The following RBFOX1 variants were observed in gnomAD, a reference collection of about 807,000 sequenced individuals.
RBFOX1 encodes the protein RNA binding protein fox-1 homolog 1.
In RBFOX1, 8 loss-of-function variants were observed where a neutral mutation model predicts 57.7. The ratio of observed to expected loss-of-function variants is 0.14; its 90% confidence interval spans 0.08 to 0.25. The LOEUF (loss-of-function observed/expected upper bound fraction) is 0.25. Among genes scored for constraint, RBFOX1 ranks in the 10% least tolerant of loss-of-function variants. The pLI is 1.00. For missense variants in RBFOX1, 611 were observed against 548.5 expected (o/e 1.11, Z -1.14); for synonymous variants, 326 against 222.4 (o/e 1.47, Z -4.15).
At chr16:7,089,131 T>A (rs2060428694) in intron 4 of RBFOX1, among the ~76,000 whole-genome samples, 1 of 152,224 alleles carries the variant, frequency 6.6e-6, no homozygotes, top group Non-Finnish European at 1.5e-5. Flanking sequence ...TAGCTCCATT[T>A]CCACCCGGTT....
At position 5,392,826 on chromosome 16, in the gene RBFOX1, C is replaced by T. The variant is rs1484547267; in HGVS notation, c.220-74390C>T. Among the ~76,000 whole-genome samples the T allele has an allele frequency of 5.3e-5, 8 of 152,142 alleles. No individual in the cohort carries two copies. The East Asian group carries it at 1.5e-3, about 29-fold the overall frequency. On this transcript the variant is annotated intron_variant, in intron 1 of 2. Coordinates refer to the RBFOX1 transcript ENST00000585867. Reference sequence around the variant, plus strand: ...CTGACCCTGTGGGCAGCAGGAGCACCTCAGGGACCACACAGACTCCTGTCT... The same window carrying T: ...CTGACCCTGTGGGCAGCAGGAGCACTTCAGGGACCACACAGACTCCTGTCT...
intron 2 of RBFOX1, among the ~76,000 whole-genome samples, chr16:6,578,765 A>T (rs528524983): frequency 6.6e-6 from 1 of 152,222 alleles, no homozygotes; most frequent in Non-Finnish European, 1.5e-5. Context: ...GATCAAAGTA[A>T]AATAGATAAA....
At chr16:7,403,023 C>G (rs917542631) in intron 4 of RBFOX1, among the ~76,000 whole-genome samples, 1 of 152,194 alleles carries the variant, frequency 6.6e-6, no homozygotes, top group Non-Finnish European at 1.5e-5. Context: ...GTTCACGATG[C>G]AGTTGTGGAA....
chr16:6,850,224 T>C (rs1447078631), intron 3 of RBFOX1, among the ~76,000 whole-genome samples: 1 of 152,224 alleles, frequency 6.6e-6, no homozygotes, highest in Non-Finnish European at 1.5e-5. Context: ...AAATGATTCC[T>C]CTTTTGGGGC....
At position 6,989,064 on chromosome 16, in the gene RBFOX1, T is replaced by A. The variant is rs1047565642; in HGVS notation, c.-15-62993T>A. On this transcript the variant is annotated intron_variant, in intron 3 of 15. Coordinates refer to ENST00000550418, the MANE Select transcript of RBFOX1 (RefSeq NM_018723.4). ...AAGCGTGAGCCACCGCGCCCGGCTTTTTTGGTATTTTTAGTAGAGACGGGA... is the reference window on the plus strand; with the variant it reads ...AAGCGTGAGCCACCGCGCCCGGCTTATTTGGTATTTTTAGTAGAGACGGGA... Among the ~76,000 whole-genome samples, 3 of 152,040 alleles carry A rather than the reference T, an allele frequency of 2.0e-5. No homozygotes were observed. In the East Asian group the frequency reaches 5.8e-4, roughly 29 times the overall value.
intron 3 of RBFOX1, among the ~76,000 whole-genome samples, chr16:6,666,868 T>C (rs1319594472): frequency 6.6e-6 from 1 of 152,158 alleles, no homozygotes; most frequent in Non-Finnish European, 1.5e-5. Context: ...AGGTATTATC[T>C]CGGGGTCCTC....
intron 1 of RBFOX1, among the ~76,000 whole-genome samples, chr16:5,357,949 T>C (rs1413269493): frequency 1.3e-5 from 2 of 152,232 alleles, no homozygotes; most frequent in Non-Finnish European, 2.9e-5. Context: ...ACATTAAAAA[T>C]TGCTGGGGGA....
At chr16:7,405,412 C>T (rs2098323971) in intron 4 of RBFOX1, among the ~76,000 whole-genome samples, 1 of 152,130 alleles carries the variant, frequency 6.6e-6, no homozygotes, top group Non-Finnish European at 1.5e-5. Context: ...CCAGGTGTTG[C>T]CAGAGAACAT....
intron 4 of RBFOX1, among the ~76,000 whole-genome samples, chr16:7,278,396 T>C (rs540019463): frequency 1.3e-5 from 2 of 152,326 alleles, no homozygotes; most frequent in East Asian, 3.9e-4. Context: ...CCTATGTATA[T>C]CTGACATGTG....
At chr16:5,691,906 C>A (rs2050691878) in intron 3 of RBFOX1, among the ~76,000 whole-genome samples, 1 of 152,180 alleles carries the variant, frequency 6.6e-6, no homozygotes, top group East Asian at 1.9e-4. Context: ...CTTGTACTCT[C>A]CTATACTGCC....
chr16:6,378,647 C>G (rs966309422), intron 2 of RBFOX1, among the ~76,000 whole-genome samples: 8 of 152,174 alleles, frequency 5.3e-5, no homozygotes, highest in African/African-American at 1.7e-4. Flanking sequence ...TGCTCTTCCC[C>G]ATTGGTCATC....
intron 1 of RBFOX1, among the ~76,000 whole-genome samples, chr16:5,436,000 C>T (rs1260372287): frequency 6.6e-6 from 1 of 152,126 alleles, no homozygotes; most frequent in African/African-American, 2.4e-5. Flanking sequence ...TCTAGCTTGC[C>T]CCTCATAGGG....
At chr16:6,481,116 C>A (rs1454416549) in intron 2 of RBFOX1, among the ~76,000 whole-genome samples, 1 of 152,096 alleles carries the variant, frequency 6.6e-6, no homozygotes, top group Non-Finnish European at 1.5e-5. Context: ...AATCAGCTTC[C>A]CGAGAGACAA....
At chr16:6,759,173 CAG>C (rs1175176601) in intron 3 of RBFOX1, among the ~76,000 whole-genome samples, 2 of 146,306 alleles carry the variant, frequency 1.4e-5, no homozygotes, top group Non-Finnish European at 3.0e-5. Flanking sequence ...TTTTGTGAGA[CAG>C]AGTCTCGCTC....
At chr16:7,019,249 G>C (rs1354299599) in intron 3 of RBFOX1, among the ~76,000 whole-genome samples, 1 of 151,996 alleles carries the variant, frequency 6.6e-6, no homozygotes, top group African/African-American at 2.4e-5. Context: ...TTTAGGTTTT[G>C]TTAGGTTGGT....
rs193141787 is a variant in RBFOX1 at position 7,280,860 on chromosome 16, G to A, written c.27+228762G>A. Among the ~76,000 whole-genome samples, 560 of 151,860 alleles carry A rather than the reference G, an allele frequency of 3.7e-3. 4 individuals carry two copies. In the Middle Eastern group the frequency reaches 0.051, roughly 14 times the overall value. ...CAAAATCACCCACTGCTTGAGAACC[G>A]CTATCCTATGGCCATATTTGTACTC... On this transcript the variant is annotated intron_variant, in intron 4 of 15. Coordinates refer to ENST00000550418, the MANE Select transcript of RBFOX1 (RefSeq NM_018723.4).
chr16:7,186,214 ATATT>A (rs1294235582), intron 4 of RBFOX1, among the ~76,000 whole-genome samples: 3 of 146,236 alleles, frequency 2.1e-5, no homozygotes, highest in Non-Finnish European at 4.5e-5. Flanking sequence ...GTGTATATAA[ATATT>A]TATATAAACA....
intron 4 of RBFOX1, among the ~76,000 whole-genome samples, chr16:5,999,267 C>T (rs1218935104): frequency 6.6e-6 from 1 of 152,188 alleles, no homozygotes; most frequent in Non-Finnish European, 1.5e-5. Flanking sequence ...ACATACTTTT[C>T]TGACTGCCTA....
intron 11 of RBFOX1, among the ~76,000 whole-genome samples, chr16:7,647,954 T>G (rs926317847): frequency 6.6e-6 from 1 of 152,220 alleles, no homozygotes; most frequent in Non-Finnish European, 1.5e-5. Flanking sequence ...GTTTTAGTCT[T>G]GTTTAATTTG....
Sources: allele counts gnomAD v4.1 joint callset (sites outside exome capture counted in the v4.1 genomes callset), GRCh38; gene constraint gnomAD v4.1.1; transcripts MANE v1.5; gene names NCBI Gene and HGNC (gene_info 2026-07-23, HGNC 2026-07-21).